Variants in FGFR1 observed in about 807,000 individuals in gnomAD.
FGFR1 encodes the protein FGFR1/PLAG1 fusion.
FGFR1 carries 18 observed loss-of-function variants against 93.7 expected under a neutral mutation model. The observed-to-expected ratio is 0.19, with a 90% confidence interval of 0.13 to 0.28. The LOEUF (loss-of-function observed/expected upper bound fraction) is 0.28. Among genes scored for constraint, FGFR1 ranks in the 10% least tolerant of loss-of-function variants. The pLI is 1.00. For synonymous variants in FGFR1, 448 were observed against 429.3 expected (o/e 1.04, Z -0.54); for missense variants, 731 against 1,080.4 (o/e 0.68, Z 4.53).
Position 38,432,342 on chromosome 8 carries a change from C to T in FGFR1, c.92-2394G>A, listed in dbSNP as rs190104642. On this transcript the variant is annotated intron_variant, in intron 2 of 17. Coordinates refer to ENST00000447712, the MANE Select transcript of FGFR1 (RefSeq NM_023110.3). ...TTCCTCCTGATGCAAGTTTAGACCC[C>T]GGTTCCCTTCCAAACGTGGCTCAGG... Among the ~76,000 whole-genome samples the T allele has an allele frequency of 2.1e-3, 324 of 152,238 alleles. 3 individuals are homozygous for T. The highest frequency in any genetic ancestry group is 6.9e-3 in the African/African-American group (288 of 41,552).
At chr8:38,440,837 G>C (rs1827180109) in intron 2 of FGFR1, among the ~76,000 whole-genome samples, 1 of 152,172 alleles carries the variant, frequency 6.6e-6, no homozygotes, top group South Asian at 2.1e-4. Flanking sequence ...GCTTACTAAA[G>C]GTATTTCCTG....
rs1473295138 is a variant in FGFR1 at position 38,429,623 on chromosome 8, CAG to C, written c.358+57_358+58del. The C allele has an allele frequency of 3.3e-6, 5 of 1,523,114 alleles. No individual in the cohort carries two copies. Among genetic ancestry groups the C allele is most frequent in the Admixed American group, 2.0e-5 (1 of 50,336 alleles). The allele number at this position is 1,523,114 out of a possible 1,614,324, so 94.3% of individuals were successfully genotyped here. A position where few individuals can be genotyped will look rare whatever the true frequency, so the allele number is the denominator to read the frequency against. The stretch of plus-strand genomic sequence containing the variant: ...GAGGTTCACCTTCCTCTGAAACTGG[CAG>C]AGAGGGCTGGAGGGGGTGGGTCTAG... On this transcript the variant is annotated intron_variant, in intron 3 of 17. Coordinates refer to ENST00000447712, the MANE Select transcript of FGFR1 (RefSeq NM_023110.3). The surrounding 1 kb of genome is among the most constrained non-coding windows in gnomAD (Gnocchi z 4.4).
At chr8:38,434,515 A>C (rs1824526343) in intron 2 of FGFR1, 1 of 362,070 alleles carries the variant, frequency 2.8e-6, no homozygotes, top group African/African-American at 2.1e-5. Flanking sequence ...AAACGATCCC[A>C]TGTCTCTGAA....
chr8:38,421,243 T>C (rs1818656279), intron 8 of FGFR1, among the ~76,000 whole-genome samples: 1 of 152,188 alleles, frequency 6.6e-6, no homozygotes, highest in Non-Finnish European at 1.5e-5. Context: ...ATGGACATCG[T>C]GAAGCCTGCT....
Position 38,424,635 on chromosome 8 carries a change from A to G in FGFR1, c.810T>C (p.Gly270=). 2 of 1,613,294 alleles carry G rather than the reference A, an allele frequency of 1.2e-6. No individual in the cohort carries two copies. The highest frequency in any genetic ancestry group is 1.7e-6 in the Non-Finnish European group (2 of 1,179,286). ...CCTTACACATGAACTCCACGTTGCT[A>G]CCCAGGGCCACTGTTTTGTTGGCGG... ...GLPANKTVAL[G]SNVEFMCKVY... Residue 270 remains glycine, a synonymous_variant, in exon 7 of 18, where the codon GGT becomes GGC. Coordinates refer to ENST00000447712, the MANE Select transcript of FGFR1 (RefSeq NM_023110.3). The surrounding 1 kb of genome is among the most constrained non-coding windows in gnomAD (Gnocchi z 4.3).
chr8:38,420,552 C>G (rs1818332051), intron 8 of FGFR1, among the ~76,000 whole-genome samples: 1 of 152,104 alleles, frequency 6.6e-6, no homozygotes, highest in African/African-American at 2.4e-5. Flanking sequence ...GGACTCACCC[C>G]CCACCCCATT....
At chr8:38,461,820 T>G (rs1834467791) in intron 1 of FGFR1, among the ~76,000 whole-genome samples, 1 of 152,192 alleles carries the variant, frequency 6.6e-6, no homozygotes, top group African/African-American at 2.4e-5. Context: ...ATGTAAAGAA[T>G]TATGCATTTG....
chr8:38,418,557 A>G (rs890224367), intron 9 of FGFR1, 184 bp from the exon 10 acceptor site: 3 of 660,542 alleles, frequency 4.5e-6, no homozygotes, highest in African/African-American at 1.8e-5. Context: ...GGACTGACCT[A>G]TTTCTGCCAC....
chr8:38,433,551 C>T (rs989366032), intron 2 of FGFR1, among the ~76,000 whole-genome samples: 6 of 152,186 alleles, frequency 3.9e-5, no homozygotes, highest in African/African-American at 1.4e-4. Context: ...CTTAAGTGAT[C>T]TGCCCGCCTC....
In FGFR1 at chr8:38,414,187, G is replaced by A. The variant is rs1174097068; in HGVS notation, c.2151C>T (p.His717=). 7 of 1,614,084 alleles carry A rather than the reference G, an allele frequency of 4.3e-6. No homozygotes were observed. In the Admixed American group the frequency reaches 8.3e-5, roughly 19 times the overall value. Residue 717 remains histidine, a synonymous_variant, in exon 16 of 18, where the codon CAC becomes CAT. Coordinates refer to ENST00000447712, the MANE Select transcript of FGFR1 (RefSeq NM_023110.3). The stretch of plus-strand genomic sequence containing the variant: ...TGCAGTTACTGGGCTTGTCCATGCG[G>A]TGACCCTCCTTCAGCAGCTTGAAAA... ...EELFKLLKEG[H]RMDKPSNCTN...
At chr8:38,447,426 T>G (rs941012300) in intron 2 of FGFR1, among the ~76,000 whole-genome samples, 1 of 152,074 alleles carries the variant, frequency 6.6e-6, no homozygotes, top group African/African-American at 2.4e-5. Context: ...AACCTATGCC[T>G]ATGGAATCAT....
chr8:38,423,297 TACC>T, intron 7 of FGFR1: 1 of 633,142 alleles, frequency 1.6e-6, no homozygotes, highest in Non-Finnish European at 2.8e-6. Flanking sequence ...TGAGATTTAT[TACC>T]TTTCCCTTTT....
chr8:38,450,438 G>A (rs910063237), intron 2 of FGFR1, among the ~76,000 whole-genome samples: 2 of 152,208 alleles, frequency 1.3e-5, no homozygotes, highest in African/African-American at 4.8e-5. Flanking sequence ...AGGGCCAGCT[G>A]CTGGTCGGGC....
chr8:38,424,698 C>A lies in FGFR1; in HGVS notation c.747G>T (p.Glu249Asp), dbSNP rs1402339930. The change falls in exon 7 of 18, where the codon GAG (glutamate) becomes GAT (aspartate). Residue 249 changes from glutamate (E) to aspartate (D), a missense_variant and splice_region_variant. Around this residue, in one of 10 missense-constraint regions of FGFR1, gnomAD observed 109 missense variants for 249.4 expected, o/e 0.44. Coordinates refer to ENST00000447712, the MANE Select transcript of FGFR1 (RefSeq NM_023110.3). This position sits in a 1 kb window ranked among gnomAD's most constrained non-coding sequence, Gnocchi z 4.3. ...GCAGGATGGGCCGGTGAGGGGACCG[C>A]TCTGTGGAAGATGGGAGAGGAGGCA... The part of the protein sequence containing the change: ...INHTYQLDVV[E>D]RSPHRPILQA... 2 of 1,610,082 alleles carry A rather than the reference C, an allele frequency of 1.2e-6. No individual in the cohort carries two copies. The highest frequency in any genetic ancestry group is 1.7e-6 in the Non-Finnish European group (2 of 1,176,782).
chr8:38,432,110 G>A (rs1563525861), intron 2 of FGFR1, among the ~76,000 whole-genome samples: 2 of 152,130 alleles, frequency 1.3e-5, no homozygotes, highest in Non-Finnish European at 2.9e-5. Context: ...AGAGAAAAAA[G>A]CAGCTCCCAA....
At chr8:38,451,525 C>G (rs558666587) in intron 2 of FGFR1, among the ~76,000 whole-genome samples, 5 of 152,182 alleles carry the variant, frequency 3.3e-5, no homozygotes, top group Admixed American at 2.0e-4. Context: ...GCCTCTCCCC[C>G]ATAGGTGCAG....
rs1820703076 is a variant in FGFR1 at position 38,426,220 on chromosome 8, A to T, written c.647T>A (p.Ile216Lys). 1 of 1,614,084 alleles carries T rather than the reference A, an allele frequency of 6.2e-7. No individual in the cohort carries two copies. Among genetic ancestry groups the T allele is most frequent in the Non-Finnish European group, 8.5e-7 (1 of 1,180,056 alleles). ...GTCAGAGGGCACCACAGAGTCCATT[A>T]TGATGCTCCAGGTGGCATAACGGAC... is the stretch of plus-strand genomic sequence containing the variant. The part of the protein sequence containing the change: ...YKVRYATWSI[I>K]MDSVVPSDKG... The change falls in exon 6 of 18, where the codon ATA becomes AAA. Residue 216 changes from isoleucine to lysine, a missense_variant. This residue lies in a region of FGFR1 where 109 missense variants were observed against 249.4 expected (regional missense o/e 0.44). Transcript: ENST00000447712. The surrounding 1 kb of genome is among the most constrained non-coding windows in gnomAD (Gnocchi z 4.1).
Position 38,412,015 on chromosome 8 carries a change from T to C in FGFR1, c.*1613A>G, listed in dbSNP as rs1435318593. ...AAGCACTGGCAAAACCATGCCCACA[T>C]AGAGGGGGCAGACACATGTCTGGGT... On this transcript the variant is annotated 3_prime_UTR_variant, in exon 18 of 18. Coordinates refer to ENST00000447712, the MANE Select transcript of FGFR1 (RefSeq NM_023110.3). 4.4e-6 allele frequency: 1 copy of C among 228,082 alleles called. No individual in the cohort carries two copies. Among genetic ancestry groups the C allele is most frequent in the South Asian group, 1.8e-4 (1 of 5,480 alleles). The allele number at this position is 228,082 out of a possible 1,614,324, so 14.1% of individuals were successfully genotyped here.
chr8:38,421,256 G>A (rs759250667), intron 8 of FGFR1, among the ~76,000 whole-genome samples: 11 of 152,304 alleles, frequency 7.2e-5, no homozygotes, highest in Middle Eastern at 3.4e-3. Flanking sequence ...AGCCTGCTGC[G>A]GCTGCCTGAG....
Sources: allele counts gnomAD v4.1 joint callset (sites outside exome capture counted in the v4.1 genomes callset), GRCh38; gene constraint gnomAD v4.1.1; regional missense constraint gnomAD v4.1.1; non-coding constraint Gnocchi (gnomAD v3.1); transcripts MANE v1.5; gene names NCBI Gene and HGNC (gene_info 2026-07-23, HGNC 2026-07-21).